UBQLN4: variants seen among roughly 807,000 people sequenced by gnomAD.
UBQLN4 encodes the protein ubiquilin-4.
In UBQLN4, 11 loss-of-function variants were observed where a neutral mutation model predicts 60.4. The ratio of observed to expected loss-of-function variants is 0.18; its 90% CI spans 0.11 to 0.30. The LOEUF is 0.30. UBQLN4 is among the 10% of genes least tolerant of loss of function. The pLI, the probability that UBQLN4 is intolerant of heterozygous loss-of-function variation, is 1.00. For missense variants in UBQLN4, 417 were observed against 795.5 expected (o/e 0.52, Z 5.72); for synonymous variants, 258 against 313.1 (o/e 0.82, Z 1.86).
At position 156,050,679 on chromosome 1, in the gene UBQLN4, C is replaced by T; in HGVS notation, c.479-126G>A. ...TCACATGTCCCTCTTCCTGTCATTC[C>T]CACAGCCCGGCCCTGATCCACTGCT... On this transcript the variant is annotated intron_variant, in intron 3 of 10. Coordinates refer to ENST00000368309, the MANE Select transcript of UBQLN4 (RefSeq NM_020131.5). This position sits in a 1 kb window ranked among gnomAD's most constrained non-coding sequence, Gnocchi z 4.6. The T allele has an allele frequency of 1.4e-6, 2 of 1,384,988 alleles. No homozygotes were observed. Among genetic ancestry groups the T allele is most frequent in the African/African-American group, 2.9e-5 (2 of 68,692 alleles). 85.8% of individuals were successfully genotyped at this position (1,384,988 alleles called of 1,614,324 possible).
At chr1:156,034,716 A>G (rs1369271367), downstream of UBQLN4, among the ~76,000 whole-genome samples, 1 of 150,040 alleles carries the variant, frequency 6.7e-6, no homozygotes, top group Admixed American at 6.7e-5. Flanking sequence ...GAAGTAGGGG[A>G]AGAGATCTCA....
intron 10 of UBQLN4, among the ~76,000 whole-genome samples, chr1:156,039,143 C>T (rs1001377079): frequency 6.6e-6 from 1 of 150,962 alleles, no homozygotes; most frequent in Non-Finnish European, 1.5e-5. Context: ...TGGGTCTCCC[C>T]GCGTTGCCCA....
At position 156,051,585 on chromosome 1, in the gene UBQLN4, T is replaced by A. The variant is rs1558091424; in HGVS notation, c.260+121A>T. ...TCCCCTAGAGATGAGATCATATTCA[T>A]CCAGGAGCTACCTGCCTGGGCCTCA... On this transcript the variant is annotated intron_variant, in intron 2 of 10. Coordinates refer to ENST00000368309, the MANE Select transcript of UBQLN4 (RefSeq NM_020131.5). 4.2e-6 allele frequency: 6 copies of A among 1,422,780 alleles called. No individual in the cohort carries two copies. The East Asian group carries it at 1.2e-4, about 28-fold the overall frequency. 88.1% of individuals were successfully genotyped at this position (1,422,780 alleles called of 1,614,324 possible).
At chr1:156,042,627 C>T (rs1012192531) in intron 7 of UBQLN4, 147 bp downstream of exon 7, 59 of 1,268,416 alleles carry the variant, frequency 4.7e-5, no homozygotes, top group Non-Finnish European at 6.2e-5. Flanking sequence ...GGCTAAATAA[C>T]TTGCTTAACT....
intron 5 of UBQLN4, among the ~76,000 whole-genome samples, chr1:156,045,031 C>A (rs1185230874): frequency 1.3e-5 from 2 of 152,170 alleles, no homozygotes; most frequent in African/African-American, 4.8e-5. Flanking sequence ...ACACCGGAAC[C>A]TCCTCCCCTC....
chr1:156,043,570 A>T (rs1683622865), intron 6 of UBQLN4, among the ~76,000 whole-genome samples: 1 of 152,168 alleles, frequency 6.6e-6, no homozygotes, highest in Admixed American at 6.5e-5. Flanking sequence ...CATAGTCCAG[A>T]TAAATGGAGC....
chr1:156,041,817 G>A (rs1244693785), intron 9 of UBQLN4, 55 bp downstream of exon 9: 2 of 1,538,188 alleles, frequency 1.3e-6, no homozygotes, highest in Non-Finnish European at 1.8e-6. Context: ...AGAGAGAAGA[G>A]TTGAAGGGGA....
chr1:156,042,110 A>AC, intron 8 of UBQLN4, 43 bp downstream of exon 8: 1 of 1,607,710 alleles, frequency 6.2e-7, no homozygotes, highest in Non-Finnish European at 8.5e-7. Flanking sequence ...TTCAGGGACT[A>AC]CCCCTTGCCC....
Position 156,037,008 on chromosome 1 carries a change from G to C in UBQLN4, c.1776C>G (p.Ile592Met). 1.9e-6 allele frequency: 3 copies of C among 1,614,164 alleles called. No homozygotes were observed. The highest frequency in any genetic ancestry group is 2.5e-6 in the Non-Finnish European group (3 of 1,180,022). ...AGAGCTGGGAGCCCAGCAGTCTCTC[G>C]ATAGCTGCGTTGATGTCCCCTCCTG... ...IATGGDINAA[I>M]ERLLGSQLS is the part of the protein sequence containing the mutation. Residue 592 changes from isoleucine to methionine, a missense_variant, in exon 11 of 11, where the codon ATC (isoleucine) becomes ATG (methionine). Physicochemically the swap from Ile to Met is conservative, Grantham distance 10. Transcript: ENST00000368309.
In UBQLN4 at chr1:156,050,080, T is replaced by C. The variant is rs1683828357; in HGVS notation, c.741+211A>G. ...TATCCTTCTGATAGCAATGGCCACA[T>C]TGTATTCTAATTGCCGGTTTACTTG... On this transcript the variant is annotated intron_variant, in intron 4 of 10. Transcript: ENST00000368309. This position sits in a 1 kb window ranked among gnomAD's most constrained non-coding sequence, Gnocchi z 4.6. Among the ~76,000 whole-genome samples, 1 of 152,198 alleles carries C rather than the reference T, an allele frequency of 6.6e-6. No individual in the cohort carries two copies. Among genetic ancestry groups the C allele is most frequent in the African/African-American group, 2.4e-5 (1 of 41,450 alleles).
rs55757185 is a variant in UBQLN4 at position 156,035,766 on chromosome 1, C to G, written c.*1212G>C. The G allele has an allele frequency of 1.0e-6, 1 of 985,368 alleles. No homozygotes were observed. Among genetic ancestry groups the G allele is most frequent in the African/African-American group, 1.7e-5 (1 of 57,186 alleles). 61.0% of individuals were successfully genotyped at this position (985,368 alleles called of 1,614,324 possible). A position where few individuals can be genotyped will look rare whatever the true frequency, so the allele number is the denominator to read the frequency against. On this transcript the variant is annotated 3_prime_UTR_variant, in exon 11 of 11. Transcript: ENST00000368309. ...CTCTGGGTTACCCAGCATCCAGAGC[C>G]CCAAGGGACCTAGCTCTCCCGGATA... is the stretch of plus-strand genomic sequence containing the variant.
chr1:156,031,775 G>A (rs1188208024), downstream of UBQLN4, among the ~76,000 whole-genome samples: 5 of 151,714 alleles, frequency 3.3e-5, no homozygotes, highest in Admixed American at 6.6e-5. Flanking sequence ...TAGTAGAGAC[G>A]GGGTTTCGCA....
At chr1:156,034,442 C>A (rs1265421164), downstream of UBQLN4, among the ~76,000 whole-genome samples, 1 of 151,698 alleles carries the variant, frequency 6.6e-6, no homozygotes, top group Non-Finnish European at 1.5e-5. Flanking sequence ...GGATTACAGG[C>A]ACCTGCCACC....
downstream of UBQLN4, chr1:156,033,238 G>C (rs530766078): frequency 3.6e-5 from 35 of 985,424 alleles, no homozygotes; most frequent in African/African-American, 6.1e-4. Flanking sequence ...TTCACTAATG[G>C]GTGATGGTCC....
rs1683765279 is a variant in UBQLN4, at chr1:156,048,131, T to C, written c.900+370A>G. Among the ~76,000 whole-genome samples the C allele has an allele frequency of 6.6e-6, 1 of 152,140 alleles. No homozygotes were observed. The highest frequency in any genetic ancestry group is 2.1e-4 in the South Asian group (1 of 4,820). ...AAGGTGGGGACCAGGATTCTCATTA[T>C]CAACAAGGTCCCCAGGTGATTCTGA... On this transcript the variant is annotated intron_variant, in intron 5 of 10. Coordinates refer to ENST00000368309, the MANE Select transcript of UBQLN4 (RefSeq NM_020131.5). This position sits in a 1 kb window ranked among gnomAD's most constrained non-coding sequence, Gnocchi z 4.9.
chr1:156,043,381 A>G (rs74116473), intron 6 of UBQLN4, among the ~76,000 whole-genome samples: 1 of 152,290 alleles, frequency 6.6e-6, no homozygotes, highest in African/African-American at 2.4e-5. Flanking sequence ...CTGGAGATGA[A>G]GACCTTTCCA....
chr1:156,036,018 T>C lies in UBQLN4; in HGVS notation c.*960A>G. 1.0e-6 allele frequency: 1 copy of C among 985,632 alleles called. No homozygotes were observed. Among genetic ancestry groups the C allele is most frequent in the Non-Finnish European group, 1.2e-6 (1 of 829,988 alleles). The allele number at this position is 985,632 out of a possible 1,614,324, so 61.1% of individuals were successfully genotyped here. On this transcript the variant is annotated 3_prime_UTR_variant, in exon 11 of 11. Coordinates refer to ENST00000368309, the MANE Select transcript of UBQLN4 (RefSeq NM_020131.5). ...CCTGGGGACACAAGCAAGACCTGGG[T>C]CCATGGAAATGTGTGTGTGTGTGCA...
intron 5 of UBQLN4, 127 bp from the exon 6 acceptor site, chr1:156,044,350 A>C: frequency 1.2e-6 from 1 of 847,080 alleles, no homozygotes; most frequent in Non-Finnish European, 1.9e-6. Context: ...AAGACCTTAG[A>C]GGTCCTCAGT....
chr1:156,050,578 G>A lies in UBQLN4; in HGVS notation c.479-25C>T, dbSNP rs933759763. 1 of 1,588,360 alleles carries A rather than the reference G, an allele frequency of 6.3e-7. No homozygotes were observed. The highest frequency in any genetic ancestry group is 1.1e-5 in the South Asian group (1 of 87,510). On this transcript the variant is annotated intron_variant, in intron 3 of 10. Coordinates refer to ENST00000368309, the MANE Select transcript of UBQLN4 (RefSeq NM_020131.5). This position sits in a 1 kb window ranked among gnomAD's most constrained non-coding sequence, Gnocchi z 4.6. Reference sequence around the variant, plus strand: ...GCTGTGGGAAGGGGGCAGGGTCACAGTCTGCCACAAGAACAGTGTCCTCAC... The same window carrying A: ...GCTGTGGGAAGGGGGCAGGGTCACAATCTGCCACAAGAACAGTGTCCTCAC...
Sources: allele counts gnomAD v4.1 joint callset (sites outside exome capture counted in the v4.1 genomes callset), GRCh38; gene constraint gnomAD v4.1.1; non-coding constraint Gnocchi (gnomAD v3.1); transcripts MANE v1.5; gene names NCBI Gene and HGNC (gene_info 2026-07-23, HGNC 2026-07-21).